The following PRMT3 variants were observed in gnomAD, a reference collection of about 807,000 sequenced individuals.
The protein encoded by PRMT3 is protein arginine methyltransferase 3.
Under a neutral mutation model 71.9 loss-of-function variants are expected in PRMT3, and 62 were observed. That is an observed-to-expected ratio of 0.86 (90% CI 0.70 to 1.07). The LOEUF (loss-of-function observed/expected upper bound fraction) is 1.07, where lower values mean the gene tolerates loss of function less well. PRMT3 is among the 50% of genes least tolerant of loss of function. The probability of loss-of-function intolerance (pLI) is 0.00; values close to 1 mark genes in which losing one functional copy is unlikely to be tolerated. For synonymous variants in PRMT3, 213 were observed against 220.4 expected, an observed-to-expected ratio of 0.97 and a Z score of 0.30; for missense variants, 663 against 643.0, an observed-to-expected ratio of 1.03 and a Z score of -0.34.
chr11:20,455,714 T>G (rs1055727700), intron 11 of PRMT3, among the ~76,000 whole-genome samples: 7 of 152,052 alleles, frequency 4.6e-5, no homozygotes, highest in African/African-American at 1.7e-4. Context: ...TTATAAAGCC[T>G]TAATAATTAA....
At chr11:20,456,073 A>G (rs924303722) in intron 11 of PRMT3, among the ~76,000 whole-genome samples, 1 of 152,178 alleles carries the variant, frequency 6.6e-6, no homozygotes, top group Non-Finnish European at 1.5e-5. Flanking sequence ...AAATGGCAGA[A>G]TATGCTATAA....
intron 13 of PRMT3, among the ~76,000 whole-genome samples, chr11:20,492,775 T>C (rs900943054): frequency 1.3e-5 from 2 of 152,172 alleles, no homozygotes; most frequent in East Asian, 3.9e-4. Context: ...AGATCTTTTG[T>C]AGGCTGGGTG....
chr11:20,485,640 A>G (rs888029472), intron 13 of PRMT3, among the ~76,000 whole-genome samples: 4 of 152,162 alleles, frequency 2.6e-5, no homozygotes, highest in African/African-American at 9.6e-5. Flanking sequence ...GTCCAGAAAG[A>G]AGCCTGGAGA....
At chr11:20,392,135 G>C (rs559618992) in intron 3 of PRMT3, 76 bp from the exon 4 acceptor site, 2 of 1,374,260 alleles carry the variant, frequency 1.5e-6, no homozygotes, top group African/African-American at 2.9e-5. Context: ...TTTAATCAGA[G>C]AAGGCTTTAT....
chr11:20,469,973 C>T (rs935303269), intron 13 of PRMT3, among the ~76,000 whole-genome samples: 1 of 152,036 alleles, frequency 6.6e-6, no homozygotes, highest in African/African-American at 2.4e-5. Flanking sequence ...TTTTTTAATA[C>T]AGTCATGTAT....
chr11:20,435,227 A>T (rs890757623), intron 10 of PRMT3, among the ~76,000 whole-genome samples: 2 of 151,950 alleles, frequency 1.3e-5, no homozygotes, highest in Admixed American at 6.6e-5. Flanking sequence ...TTTTTAATTC[A>T]TTTATTTTCT....
At chr11:20,423,142 A>G (rs1849463893) in intron 9 of PRMT3, among the ~76,000 whole-genome samples, 2 of 152,174 alleles carry the variant, frequency 1.3e-5, no homozygotes, top group Admixed American at 1.3e-4. Flanking sequence ...GATCTTATGT[A>G]TTCTTTCACC....
chr11:20,508,712 A>G lies in PRMT3; in HGVS notation c.*299A>G, dbSNP rs1211380555. The G allele has an allele frequency of 1.2e-5, 5 of 426,420 alleles. No homozygotes were observed. The highest frequency in any genetic ancestry group is 5.4e-5 in the East Asian group (1 of 18,490). 26.4% of individuals were successfully genotyped at this position (426,420 alleles called of 1,614,324 possible). A position where few individuals can be genotyped will look rare whatever the true frequency, so the allele number is the denominator to read the frequency against. Reference sequence around the variant, plus strand: ...TATTGAAAATCATTTACATTGGCCTATATTTGGAAGAGAGATAGTCTTTTG... The same window carrying G: ...TATTGAAAATCATTTACATTGGCCTGTATTTGGAAGAGAGATAGTCTTTTG... On this transcript the variant is annotated 3_prime_UTR_variant, in exon 16 of 16. Transcript: ENST00000331079.
intron 11 of PRMT3, among the ~76,000 whole-genome samples, chr11:20,454,800 G>T (rs1414770117): frequency 1.3e-5 from 2 of 152,006 alleles, no homozygotes; most frequent in African/African-American, 4.8e-5. Context: ...ATACAAACGT[G>T]ATGGGACCAC....
intron 13 of PRMT3, among the ~76,000 whole-genome samples, chr11:20,487,028 A>T (rs1003260928): frequency 6.6e-6 from 1 of 151,008 alleles, no homozygotes; most frequent in African/African-American, 2.4e-5. Context: ...CTACACTCCA[A>T]CCTGGGCAAT....
At chr11:20,461,627 T>A (rs1237922500) in intron 11 of PRMT3, among the ~76,000 whole-genome samples, 6 of 152,334 alleles carry the variant, frequency 3.9e-5, no homozygotes, top group African/African-American at 1.4e-4. Flanking sequence ...TGCATGTTTT[T>A]AGAGGAATAT....
intron 13 of PRMT3, among the ~76,000 whole-genome samples, chr11:20,476,017 A>G (rs367678673): frequency 1.3e-5 from 2 of 152,090 alleles, no homozygotes; most frequent in South Asian, 2.1e-4. Flanking sequence ...AATGCTGACT[A>G]TGTGCCAAGT....
At chr11:20,407,034 C>A (rs1057396351) in intron 8 of PRMT3, 9 of 152,060 alleles carry the variant, frequency 5.9e-5, no homozygotes, top group Non-Finnish European at 1.3e-4. Flanking sequence ...TATGCGAGCA[C>A]AATTATAAGG....
chr11:20,494,936 G>C (rs1851298577), intron 15 of PRMT3, among the ~76,000 whole-genome samples: 1 of 152,270 alleles, frequency 6.6e-6, no homozygotes, highest in Admixed American at 6.5e-5. Flanking sequence ...ATTTCATTCA[G>C]TAGTTATTGT....
intron 12 of PRMT3, among the ~76,000 whole-genome samples, chr11:20,464,083 G>C (rs895118758): frequency 1.3e-5 from 2 of 152,024 alleles, no homozygotes; most frequent in African/African-American, 4.8e-5. Context: ...AGTTGTGGTG[G>C]GTGTACCATA....
At chr11:20,393,557 G>A (rs1036512164) in intron 5 of PRMT3, among the ~76,000 whole-genome samples, 2 of 152,090 alleles carry the variant, frequency 1.3e-5, no homozygotes, top group East Asian at 1.9e-4. Flanking sequence ...TTCTCTGCCC[G>A]AAAGAAGTAT....
At chr11:20,409,519 T>A (rs1479395508) in intron 9 of PRMT3, among the ~76,000 whole-genome samples, 1 of 152,172 alleles carries the variant, frequency 6.6e-6, no homozygotes, top group African/African-American at 2.4e-5. Context: ...CCACCACATG[T>A]TAAATATTTG....
Position 20,420,834 on chromosome 11 carries a change from C to A in PRMT3, c.894-5932C>A, listed in dbSNP as rs144207227. Among the ~76,000 whole-genome samples, 33 of 152,280 alleles carry A rather than the reference C, an allele frequency of 2.2e-4. No homozygotes were observed. The East Asian group carries it at 5.8e-3, about 27-fold the overall frequency. On this transcript the variant is annotated intron_variant, in intron 9 of 15. Transcript: ENST00000331079. The stretch of plus-strand genomic sequence containing the variant: ...ACAAGGATACCTTTCATCACCTCTT[C>A]TATCCAACACCATAAAGGAGATCCT...
In PRMT3 at chr11:20,508,316, A is replaced by AAGGAAAGGTC; in HGVS notation, c.1501_1510dup (p.Thr504ArgfsTer9). ...CTTTGTTTTACAGGTGAAGCCTTGA[A>AAGGAAAGGTC]AGGAAAGGTCACAGTTCACAAGAAT... On this transcript the variant is annotated frameshift_variant, in exon 16 of 16. Transcript: ENST00000331079. LOFTEE classifies it high-confidence loss of function. 6.2e-7 allele frequency: 1 copy of AAGGAAAGGTC among 1,606,750 alleles called. No homozygotes were observed. The highest frequency in any genetic ancestry group is 8.5e-7 in the Non-Finnish European group (1 of 1,173,578).
Sources: allele counts gnomAD v4.1 joint callset (sites outside exome capture counted in the v4.1 genomes callset), GRCh38; gene constraint gnomAD v4.1.1; transcripts MANE v1.5; gene names NCBI Gene and HGNC (gene_info 2026-07-23, HGNC 2026-07-21).